MTA3: variants seen among roughly 807,000 people sequenced by gnomAD.
MTA3 encodes metastasis associated 1 family member 3.
In MTA3, 34 loss-of-function variants were observed where a neutral mutation model predicts 83.5. The observed-to-expected ratio is 0.41, with a 90% confidence interval of 0.31 to 0.54. MTA3 has a LOEUF of 0.54. Ranked by LOEUF, MTA3 falls within the 20% of genes least tolerant of loss-of-function variation. The pLI is 0.33. For synonymous variants in MTA3, 303 were observed against 252.7 expected (o/e 1.20, Z -1.89); for missense variants, 761 against 726.4 (o/e 1.05, Z -0.55).
intron 3 of MTA3, among the ~76,000 whole-genome samples, chr2:42,606,964 C>T (rs1421931264): frequency 2.7e-5 from 4 of 150,064 alleles, no homozygotes; most frequent in Non-Finnish European, 5.9e-5. Context: ...AGGCATTCGG[C>T]AGACTGAGGC....
chr2:42,601,405 T>G (rs1175053380), intron 3 of MTA3, among the ~76,000 whole-genome samples: 1 of 152,192 alleles, frequency 6.6e-6, no homozygotes, highest in African/African-American at 2.4e-5. Context: ...ACTATTAAGT[T>G]TTTCCAGTGT....
intron 16 of MTA3, among the ~76,000 whole-genome samples, chr2:42,747,757 A>G (rs1169995511): frequency 6.6e-6 from 1 of 151,876 alleles, no homozygotes; most frequent in Non-Finnish European, 1.5e-5. Context: ...CTATAAAGAC[A>G]TTTTTCATTA....
chr2:42,719,128 G>C, intron 15 of MTA3, 54 bp downstream of exon 15: 2 of 1,335,360 alleles, frequency 1.5e-6, no homozygotes. Flanking sequence ...GAATAGTATA[G>C]ATATTTGGCA....
intron 2 of MTA3, among the ~76,000 whole-genome samples, chr2:42,503,101 A>C (rs1674474098): frequency 6.6e-6 from 1 of 152,212 alleles, no homozygotes; most frequent in South Asian, 2.1e-4. Flanking sequence ...AGTTTGTTAG[A>C]GAAGTAATGG....
At chr2:42,740,849 A>G (rs1266753986) in intron 16 of MTA3, among the ~76,000 whole-genome samples, 1 of 152,268 alleles carries the variant, frequency 6.6e-6, no homozygotes, top group Admixed American at 6.5e-5. Flanking sequence ...GGAATAGTAA[A>G]TGAACACTGG....
chr2:42,698,991 A>G (rs978388060), intron 11 of MTA3, among the ~76,000 whole-genome samples: 2 of 152,212 alleles, frequency 1.3e-5, no homozygotes, highest in Non-Finnish European at 2.9e-5. Flanking sequence ...TTAGATTTTC[A>G]AAAGCAAGCA....
At chr2:42,717,779 T>G (rs1667129756) in intron 14 of MTA3, among the ~76,000 whole-genome samples, 2 of 152,208 alleles carry the variant, frequency 1.3e-5, no homozygotes, top group African/African-American at 2.4e-5. Context: ...ACAATTGAGT[T>G]TTGCCAAGAT....
rs375267440 is a variant in MTA3 at position 42,709,040 on chromosome 2, G to A, written c.1469G>A (p.Arg490Gln). ...GTCTGCAAAAATACCCTCCGGCTGC[G>A]GCAGGCAGCAAGACGGCCGTTTGTT... ...RQVCKNTLRL[R>Q]QAARRPFVAI... The change falls in exon 14 of 17, where the codon CGG (arginine) becomes CAG (glutamine). Residue 490 changes from arginine to glutamine, a missense_variant. Coordinates refer to ENST00000405094, the MANE Select transcript of MTA3 (RefSeq NM_001330442.2). 13 of 1,613,708 alleles carry A rather than the reference G, an allele frequency of 8.1e-6. No individual in the cohort carries two copies. Among genetic ancestry groups the A allele is most frequent in the African/African-American group, 1.3e-5 (1 of 74,898 alleles).
rs528947227 is a variant in MTA3, at chr2:42,530,408, A to C, written c.-141+35154A>C. Among the ~76,000 whole-genome samples, 10 of 151,972 alleles carry C rather than the reference A, an allele frequency of 6.6e-5. No individual in the cohort carries two copies. In the East Asian group the frequency reaches 1.9e-3, roughly 29 times the overall value. On this transcript the variant is annotated intron_variant, in intron 2 of 17. Coordinates refer to the MTA3 transcript ENST00000405592. ...AGGCTGAGGCTGGAGAATGGCGTGA[A>C]CCCAGGAGGCGGAGCTTGCAGTGAG... is the stretch of plus-strand genomic sequence containing the variant.
intron 2 of MTA3, among the ~76,000 whole-genome samples, chr2:42,543,460 G>A (rs755088318): frequency 6.6e-6 from 1 of 151,572 alleles, no homozygotes; most frequent in Non-Finnish European, 1.5e-5. Context: ...ACAGGCGTGA[G>A]CCACTGCTCC....
intron 16 of MTA3, among the ~76,000 whole-genome samples, chr2:42,731,773 C>T (rs1668247966): frequency 6.6e-6 from 1 of 152,182 alleles, no homozygotes; most frequent in African/African-American, 2.4e-5. Flanking sequence ...TTAGCATTAA[C>T]CCAAAAGTCC....
At chr2:42,749,494 G>A (rs1156997410) in intron 16 of MTA3, among the ~76,000 whole-genome samples, 1 of 152,130 alleles carries the variant, frequency 6.6e-6, no homozygotes, top group African/African-American at 2.4e-5. Flanking sequence ...TTGAGACAGA[G>A]TCTTGCTCTG....
intron 3 of MTA3, among the ~76,000 whole-genome samples, chr2:42,584,985 G>A (rs1250094798): frequency 2.0e-5 from 3 of 151,506 alleles, no homozygotes; most frequent in Non-Finnish European, 4.4e-5. Context: ...AGGCTTGAGT[G>A]CAGTGGCACA....
intron 4 of MTA3, among the ~76,000 whole-genome samples, chr2:42,622,414 G>C (rs1460129627): frequency 6.8e-6 from 1 of 147,616 alleles, no homozygotes; most frequent in Admixed American, 6.8e-5. Flanking sequence ...GGTAGGGGGA[G>C]GTAGAGGGGG....
chr2:42,534,922 C>T (rs1396434865), intron 2 of MTA3, among the ~76,000 whole-genome samples: 1 of 151,848 alleles, frequency 6.6e-6, no homozygotes, highest in Non-Finnish European at 1.5e-5. Flanking sequence ...TGCACCTGGC[C>T]TGTTGCATGG....
intron 4 of MTA3, among the ~76,000 whole-genome samples, chr2:42,638,566 C>A (rs1158810996): frequency 6.6e-6 from 1 of 151,766 alleles, no homozygotes; most frequent in Non-Finnish European, 1.5e-5. Context: ...GAGTTGAGAT[C>A]TTGCTGTGTA....
intron 2 of MTA3, among the ~76,000 whole-genome samples, chr2:42,509,653 C>G (rs1310762879): frequency 6.6e-6 from 1 of 151,980 alleles, no homozygotes; most frequent in African/African-American, 2.4e-5. Context: ...AGCCTGTAAT[C>G]CCGGCTACTT....
intron 4 of MTA3, among the ~76,000 whole-genome samples, chr2:42,619,127 A>C (rs546952660): frequency 1.3e-5 from 2 of 152,248 alleles, no homozygotes; most frequent in South Asian, 2.1e-4. Context: ...ACAACGGAAC[A>C]GCAAGAGGAG....
intron 6 of MTA3, 25 bp from the exon 7 acceptor site, chr2:42,656,175 C>G (rs1689158016): frequency 1.3e-6 from 2 of 1,550,610 alleles, no homozygotes; most frequent in East Asian, 2.2e-5. Flanking sequence ...AGTAACAAGA[C>G]TCCATTTTAT....
Sources: allele counts gnomAD v4.1 joint callset (sites outside exome capture counted in the v4.1 genomes callset), GRCh38; gene constraint gnomAD v4.1.1; transcripts MANE v1.5; gene names NCBI Gene and HGNC (gene_info 2026-07-23, HGNC 2026-07-21).